Variants in ARHGAP26 observed in about 807,000 individuals in gnomAD.
ARHGAP26 encodes Rho GTPase activating protein 26, also known as rho GTPase-activating protein 26.
In ARHGAP26, 38 loss-of-function variants were observed where a neutral mutation model predicts 104.8. The ratio of observed to expected loss-of-function variants is 0.36; its 90% CI spans 0.28 to 0.48. The LOEUF is 0.48. Ranked by LOEUF, ARHGAP26 falls within the 20% of genes least tolerant of loss-of-function variation. The pLI, the probability that ARHGAP26 is intolerant of heterozygous loss-of-function variation, is 0.99. For missense variants in ARHGAP26, 704 were observed against 947.9 expected (o/e 0.74, Z 3.38); for synonymous variants, 341 against 340.0 (o/e 1.00, Z -0.03).
rs1211905777 is a variant in ARHGAP26 at position 143,037,281 on chromosome 5, G to A, written c.1210+20G>A. 3 of 1,569,254 alleles carry A rather than the reference G, an allele frequency of 1.9e-6. No individual in the cohort carries two copies. Among genetic ancestry groups the A allele is most frequent in the Non-Finnish European group, 2.6e-6 (3 of 1,147,478 alleles). ...CCAGAGGTAAAGTAGTTTAACAGATGGCATTGTTCTCATAGAAGGTCACGC... is the reference window on the plus strand; with the variant it reads ...CCAGAGGTAAAGTAGTTTAACAGATAGCATTGTTCTCATAGAAGGTCACGC... On this transcript the variant is annotated intron_variant, in intron 13 of 22. Coordinates refer to ENST00000645722, the MANE Select transcript of ARHGAP26 (RefSeq NM_001135608.3).
intron 5 of ARHGAP26, among the ~76,000 whole-genome samples, chr5:142,894,027 T>C (rs1759112079): frequency 6.6e-6 from 1 of 152,068 alleles, no homozygotes; most frequent in African/African-American, 2.4e-5. Flanking sequence ...TTTTTTTGTT[T>C]TAAAAAAATA....
At position 142,869,950 on chromosome 5, in the gene ARHGAP26, C is replaced by T. The variant is rs952756557; in HGVS notation, c.155-3450C>T. ...ATATTTCTTAGCCATCTGGTCCCCT[C>T]ACTCAGAGAAGCACAGCCCTACCTA... On this transcript the variant is annotated intron_variant, in intron 1 of 22. Coordinates refer to ENST00000645722, the MANE Select transcript of ARHGAP26 (RefSeq NM_001135608.3). 8.5e-5 allele frequency among the ~76,000 whole-genome samples: 13 copies of T among 152,340 alleles called. No homozygotes were observed. The East Asian group carries it at 2.3e-3, about 27-fold the overall frequency.
chr5:142,826,401 GA>G (rs896098435), intron 1 of ARHGAP26, among the ~76,000 whole-genome samples: 12 of 152,214 alleles, frequency 7.9e-5, no homozygotes, highest in Non-Finnish European at 1.3e-4. Context: ...CCATTTTGCA[GA>G]GCAGGAAATT....
At chr5:142,823,090 C>G (rs1363941571) in intron 1 of ARHGAP26, among the ~76,000 whole-genome samples, 5 of 152,320 alleles carry the variant, frequency 3.3e-5, no homozygotes, top group African/African-American at 1.2e-4. Flanking sequence ...AGGGGCATCA[C>G]TATTCCCATT....
In ARHGAP26 at chr5:143,162,431, C is replaced by G. The variant is rs542173582; in HGVS notation, c.1988+15050C>G. On this transcript the variant is annotated intron_variant, in intron 20 of 22. Transcript: ENST00000645722. ...GTTCAGTTGTCACAGTGAAAATAAA[C>G]TGGCAAGAAATCAGAAATCAAGAAG... Among the ~76,000 whole-genome samples the G allele has an allele frequency of 1.7e-4, 26 of 152,280 alleles. No homozygotes were observed. In the South Asian group the frequency reaches 5.4e-3, roughly 32 times the overall value.
intron 20 of ARHGAP26, among the ~76,000 whole-genome samples, chr5:143,156,836 C>A (rs879386697): frequency 2.0e-5 from 3 of 152,216 alleles, no homozygotes; most frequent in Non-Finnish European, 4.4e-5. Context: ...TTCACAGGAA[C>A]CTATTAGCTC....
At chr5:143,057,841 TC>T in intron 17 of ARHGAP26, 94 bp downstream of exon 17, 1 of 1,029,730 alleles carries the variant, frequency 9.7e-7, no homozygotes, top group Non-Finnish European at 1.5e-6. Flanking sequence ...TGTTTCTCTC[TC>T]CCACTATTGC....
At chr5:143,108,756 C>G (rs1185248906) in intron 17 of ARHGAP26, among the ~76,000 whole-genome samples, 1 of 152,226 alleles carries the variant, frequency 6.6e-6, no homozygotes, top group Non-Finnish European at 1.5e-5. Flanking sequence ...CTTTATCAGT[C>G]TGTCCATCTC....
At chr5:142,870,383 T>C (rs1420752694) in intron 1 of ARHGAP26, among the ~76,000 whole-genome samples, 3 of 152,082 alleles carry the variant, frequency 2.0e-5, no homozygotes, top group Admixed American at 2.0e-4. Context: ...AGAGTTCTCT[T>C]TTTAGTGTTG....
chr5:142,801,868 G>C (rs1341367850), intron 1 of ARHGAP26, among the ~76,000 whole-genome samples: 1 of 152,180 alleles, frequency 6.6e-6, no homozygotes, highest in African/African-American at 2.4e-5. Flanking sequence ...CCGTGCTGTT[G>C]ATACTTATGT....
intron 2 of ARHGAP26, among the ~76,000 whole-genome samples, chr5:142,874,130 G>T (rs1598028193): frequency 6.6e-6 from 1 of 152,244 alleles, no homozygotes; most frequent in African/African-American, 2.4e-5. Flanking sequence ...CGCCACTCCT[G>T]TTTCCTTAAA....
intron 16 of ARHGAP26, among the ~76,000 whole-genome samples, chr5:143,056,924 T>C (rs1018808613): frequency 7.2e-5 from 11 of 152,204 alleles, no homozygotes; most frequent in Non-Finnish European, 1.5e-5. Flanking sequence ...AGATGGTGTT[T>C]ATGTCATTTC....
At chr5:142,919,504 G>A (rs1762919175) in intron 10 of ARHGAP26, 1 of 397,680 alleles carries the variant, frequency 2.5e-6, no homozygotes, top group South Asian at 1.4e-4. Context: ...TTTGAATAGG[G>A]AGGGCCTTTC....
intron 1 of ARHGAP26, among the ~76,000 whole-genome samples, chr5:142,820,084 A>T (rs1403592058): frequency 2.0e-5 from 3 of 152,170 alleles, no homozygotes. Context: ...AAAGGTTCCA[A>T]TTTCCTTCCC....
At chr5:143,044,130 T>C (rs991307789) in intron 14 of ARHGAP26, among the ~76,000 whole-genome samples, 3 of 152,170 alleles carry the variant, frequency 2.0e-5, no homozygotes, top group African/African-American at 7.2e-5. Flanking sequence ...AGTGGGATTA[T>C]ATCCATTATA....
At chr5:143,213,973 A>G in intron 21 of ARHGAP26, 24 bp from the exon 22 acceptor site, 1 of 1,498,528 alleles carries the variant, frequency 6.7e-7, no homozygotes, top group Non-Finnish European at 9.2e-7. Flanking sequence ...CAAAAATGTT[A>G]AATAAACTCC....
intron 11 of ARHGAP26, among the ~76,000 whole-genome samples, chr5:143,001,636 C>T (rs746203627): frequency 1.8e-4 from 28 of 152,312 alleles, no homozygotes; most frequent in Admixed American, 5.2e-4. Flanking sequence ...TCACACTATT[C>T]CTGGAGTCGG....
Position 143,227,000 on chromosome 5 carries a change from TGCA to T in ARHGAP26, c.*4556_*4558del, listed in dbSNP as rs751163346. 2.7e-4 allele frequency: 62 copies of T among 228,324 alleles called. No homozygotes were observed. Among genetic ancestry groups the T allele is most frequent in the Admixed American group, 1.4e-3 (24 of 17,608 alleles). The allele number at this position is 228,324 out of a possible 1,614,324, so 14.1% of individuals were successfully genotyped here. A position where few individuals can be genotyped will look rare whatever the true frequency, so the allele number is the denominator to read the frequency against. ...GTCTCAGTAAAAGCTCTGTCTTGAC[TGCA>T]GAGGCTCCAAAAGCATTCACAGTTG... On this transcript the variant is annotated 3_prime_UTR_variant, in exon 23 of 23. Coordinates refer to ENST00000645722, the MANE Select transcript of ARHGAP26 (RefSeq NM_001135608.3).
chr5:143,058,780 C>T (rs1361264688), intron 17 of ARHGAP26, among the ~76,000 whole-genome samples: 1 of 152,212 alleles, frequency 6.6e-6, no homozygotes, highest in Non-Finnish European at 1.5e-5. Context: ...TGATATATAT[C>T]ATGAAGATTT....
Sources: allele counts gnomAD v4.1 joint callset (sites outside exome capture counted in the v4.1 genomes callset), GRCh38; gene constraint gnomAD v4.1.1; transcripts MANE v1.5; gene names NCBI Gene and HGNC (gene_info 2026-07-23, HGNC 2026-07-21).